Variants in NSD1 observed in about 807,000 individuals in gnomAD.
The protein encoded by NSD1 is nuclear receptor binding SET domain protein 1.
Under a neutral mutation model 242.7 loss-of-function variants are expected in NSD1, and 26 were observed. That is an observed-to-expected ratio of 0.11 (90% CI 0.08 to 0.15). The LOEUF is 0.15. NSD1 is among the 10% of genes least tolerant of loss of function. NSD1 has a pLI of 1.00. For synonymous variants in NSD1, 1,106 were observed against 1,178.1 expected (o/e 0.94, Z 1.25); for missense variants, 2,495 against 3,272.8 (o/e 0.76, Z 5.80).
rs1760764068 is a variant in NSD1 at position 177,182,376 on chromosome 5, A to G, written c.928-9508A>G. ...GCCACAGCCATTCTGACCTTCAGCA[A>G]GCAGCCATGAACACTGAGGCAAGAC... On this transcript the variant is annotated intron_variant, in intron 2 of 22. Transcript: ENST00000439151. 1.3e-5 allele frequency among the ~76,000 whole-genome samples: 2 copies of G among 152,166 alleles called. 1 individual carries two copies. Among genetic ancestry groups the G allele is most frequent in the Middle Eastern group, 6.3e-3 (2 of 316 alleles).
intron 3 of NSD1, among the ~76,000 whole-genome samples, chr5:177,202,104 G>C (rs1233911444): frequency 6.6e-6 from 1 of 151,758 alleles, no homozygotes; most frequent in Non-Finnish European, 1.5e-5. Context: ...GGAGGCAGAG[G>C]TTGCAGTGAG....
At chr5:177,192,720 G>A (rs1012222432) in intron 3 of NSD1, among the ~76,000 whole-genome samples, 9 of 152,074 alleles carry the variant, frequency 5.9e-5, no homozygotes, top group Admixed American at 2.0e-4. Flanking sequence ...TAGTAGAGAC[G>A]GGGTTTCACC....
At chr5:177,178,781 TATTG>T (rs1345987792) in intron 2 of NSD1, among the ~76,000 whole-genome samples, 1 of 152,166 alleles carries the variant, frequency 6.6e-6, no homozygotes, top group Non-Finnish European at 1.5e-5. Flanking sequence ...AGCACATTTT[TATTG>T]ATTACTGAGT....
intron 2 of NSD1, among the ~76,000 whole-genome samples, chr5:177,147,162 G>A (rs1163233314): frequency 6.6e-6 from 1 of 152,026 alleles, no homozygotes; most frequent in African/African-American, 2.4e-5. Flanking sequence ...CTGGAGTGCA[G>A]TAGTTGCATC....
At chr5:177,160,458 G>T (rs1018143178) in intron 2 of NSD1, among the ~76,000 whole-genome samples, 1 of 151,068 alleles carries the variant, frequency 6.6e-6, no homozygotes, top group African/African-American at 2.4e-5. Flanking sequence ...GTGCCACGAC[G>T]CCCGGCTGAT....
intron 13 of NSD1, among the ~76,000 whole-genome samples, chr5:177,257,847 T>TTTTA (rs1756638637): frequency 6.3e-5 from 5 of 79,028 alleles, no homozygotes; most frequent in Non-Finnish European, 1.5e-4. Context: ...ATTTTATTTT[T>TTTTA]TTTTGAGACG....
chr5:177,155,359 C>T (rs1027734311), intron 2 of NSD1, among the ~76,000 whole-genome samples: 2 of 151,884 alleles, frequency 1.3e-5, no homozygotes, highest in African/African-American at 2.4e-5. Context: ...AACTCCTGAG[C>T]TCAGGTGATC....
intron 5 of NSD1, among the ~76,000 whole-genome samples, chr5:177,217,287 T>C (rs541305882): frequency 1.3e-5 from 2 of 152,320 alleles, no homozygotes; most frequent in South Asian, 2.1e-4. Context: ...TGTTTTAATT[T>C]CCTTTTATAT....
rs1289043115 is a variant in NSD1, at chr5:177,294,071, C to T, written c.6703C>T (p.His2235Tyr). 1.2e-5 allele frequency: 20 copies of T among 1,613,946 alleles called. No individual in the cohort carries two copies. The highest frequency in any genetic ancestry group is 1.6e-5 in the Non-Finnish European group (19 of 1,180,030). The stretch of plus-strand genomic sequence containing the variant: ...ACCGCTGCCTCCAGGGCCAAGCACT[C>T]ACCTGGCAGAGCAATCAACAGGAAT... ...PVPLPPGPSTHLAEQSTGMAA... is the reference protein window; with the variant it reads ...PVPLPPGPSTYLAEQSTGMAA... Residue 2235 changes from histidine to tyrosine, a missense_variant, in exon 23 of 23, where the codon CAC (histidine) becomes TAC (tyrosine). By Grantham distance (83) the His-to-Tyr change is moderately conservative. Coordinates refer to ENST00000439151, the MANE Select transcript of NSD1 (RefSeq NM_022455.5).
chr5:177,222,007 C>T (rs1764277670), intron 5 of NSD1, among the ~76,000 whole-genome samples: 1 of 152,140 alleles, frequency 6.6e-6, no homozygotes, highest in Non-Finnish European at 1.5e-5. Context: ...GACAGGGTTT[C>T]ACCATTTTGG....
intron 15 of NSD1, among the ~76,000 whole-genome samples, chr5:177,268,781 T>C (rs1188660822): frequency 6.6e-6 from 1 of 152,206 alleles, no homozygotes; most frequent in Non-Finnish European, 1.5e-5. Flanking sequence ...CCTGCAACTT[T>C]TTTCATTCAC....
At chr5:177,290,492 C>T (rs1405039119) in intron 21 of NSD1, among the ~76,000 whole-genome samples, 1 of 151,220 alleles carries the variant, frequency 6.6e-6, no homozygotes, top group African/African-American at 2.4e-5. Context: ...ACTGTAACCT[C>T]CGTCTCCCAG....
chr5:177,165,995 C>T (rs1220443244), intron 2 of NSD1, among the ~76,000 whole-genome samples: 1 of 151,396 alleles, frequency 6.6e-6, no homozygotes, highest in African/African-American at 2.4e-5. Flanking sequence ...TTGCAACCTC[C>T]GCCTCCCGGG....
rs1376781683 is a variant in NSD1, at chr5:177,294,721, A to G, written c.7353A>G (p.Arg2451=). 3.1e-6 allele frequency: 5 copies of G among 1,614,110 alleles called. No individual in the cohort carries two copies. Among genetic ancestry groups the G allele is most frequent in the African/African-American group, 1.3e-5 (1 of 74,950 alleles). ...PVDQNTQSKN[R]AALVMDLIDL... ...ACCAGAATACTCAGTCAAAAAATAGAGCTGCTTTGGTGATGGATCTCATAG... is the reference window on the plus strand; with the variant it reads ...ACCAGAATACTCAGTCAAAAAATAGGGCTGCTTTGGTGATGGATCTCATAG... Residue 2451 remains arginine (R), a synonymous_variant, in exon 23 of 23, where the codon AGA becomes AGG. Coordinates refer to ENST00000439151, the MANE Select transcript of NSD1 (RefSeq NM_022455.5).
chr5:177,278,966 A>G (rs1250276378), intron 17 of NSD1, among the ~76,000 whole-genome samples: 2 of 152,224 alleles, frequency 1.3e-5, no homozygotes, highest in African/African-American at 2.4e-5. Flanking sequence ...TTTGACCTTC[A>G]TGTTTTAACT....
At position 177,294,602 on chromosome 5, in the gene NSD1, G is replaced by A. The variant is rs747241148; in HGVS notation, c.7234G>A (p.Ala2412Thr). 1.2e-6 allele frequency: 2 copies of A among 1,614,204 alleles called. No individual in the cohort carries two copies. Among genetic ancestry groups the A allele is most frequent in the South Asian group, 1.1e-5 (1 of 91,090 alleles). The stretch of plus-strand genomic sequence containing the variant: ...AGACAGGCCTACTGACAAACCCCAT[G>A]CCTCTTTGTCCCAGAGACTCCCACC... ...TSDRPTDKPH[A>T]SLSQRLPPPE... Residue 2412 changes from alanine to threonine, a missense_variant, in exon 23 of 23, where the codon GCC becomes ACC. By Grantham distance (58) the Ala-to-Thr change is moderately conservative (BLOSUM62 0). Coordinates refer to ENST00000439151, the MANE Select transcript of NSD1 (RefSeq NM_022455.5).
At chr5:177,258,159 T>C (rs575525398) in intron 13 of NSD1, among the ~76,000 whole-genome samples, 23 of 151,806 alleles carry the variant, frequency 1.5e-4, no homozygotes, top group African/African-American at 5.6e-4. Flanking sequence ...TTTGTATTTT[T>C]AGTAGAGACA....
chr5:177,208,666 A>G (rs908792326), intron 4 of NSD1, among the ~76,000 whole-genome samples: 7 of 149,814 alleles, frequency 4.7e-5, no homozygotes, highest in East Asian at 2.0e-4. Flanking sequence ...TTTCTTTTTT[A>G]TGCAACTGAA....
intron 22 of NSD1, among the ~76,000 whole-genome samples, 191 bp from the exon 23 acceptor site, chr5:177,293,641 T>G (rs1216928832): frequency 6.6e-6 from 1 of 151,332 alleles, no homozygotes; most frequent in Non-Finnish European, 1.5e-5. Flanking sequence ...GCTGTTACTT[T>G]ATGTATTCTG....
Sources: gnomAD v4.1 joint callset for allele counts (sites outside exome capture counted in the v4.1 genomes callset) on GRCh38, gnomAD v4.1.1 for gene constraint, MANE v1.5 for transcripts, NCBI Gene and HGNC (gene_info 2026-07-23, HGNC 2026-07-21) for gene names.